Variants in MSL2 observed in about 807,000 individuals in gnomAD.
MSL2 encodes the protein MSL complex subunit 2.
In MSL2, 2 loss-of-function variants were observed where a neutral mutation model predicts 35.8. The observed-to-expected ratio is 0.06, with a 90% CI of 0.02 to 0.18. MSL2 has a LOEUF of 0.18. MSL2 is among the 10% of genes least tolerant of loss of function. The pLI, the probability that MSL2 is intolerant of heterozygous loss-of-function variation, is 1.00. For missense variants in MSL2, 523 were observed against 706.7 expected (o/e 0.74, Z 2.95); for synonymous variants, 296 against 255.7 (o/e 1.16, Z -1.50).
In MSL2 at chr3:136,195,529, C is replaced by G. The variant is rs1355423316; in HGVS notation, c.-416G>C. On this transcript the variant is annotated 5_prime_UTR_variant, in exon 1 of 2. Coordinates refer to ENST00000309993, the MANE Select transcript of MSL2 (RefSeq NM_018133.4). Reference sequence around the variant, plus strand: ...CGAGCTGGCAGGCGCGGGAGCAGGCCCCGGCCCCGTCTGAGGCGCGGCACG... The same window carrying G: ...CGAGCTGGCAGGCGCGGGAGCAGGCGCCGGCCCCGTCTGAGGCGCGGCACG... 9.9e-7 allele frequency: 1 copy of G among 1,008,302 alleles called. No individual in the cohort carries two copies. The highest frequency in any genetic ancestry group is 1.7e-5 in the African/African-American group (1 of 57,438). The allele number at this position is 1,008,302 out of a possible 1,614,324, so 62.5% of individuals were successfully genotyped here.
intron 1 of MSL2, among the ~76,000 whole-genome samples, chr3:136,161,112 A>C (rs1448637717): frequency 6.6e-6 from 1 of 152,188 alleles, no homozygotes; most frequent in Non-Finnish European, 1.5e-5. Flanking sequence ...ATGAATGACC[A>C]TAAGCACATG....
intron 1 of MSL2, among the ~76,000 whole-genome samples, chr3:136,158,592 T>C (rs1487733537): frequency 6.6e-6 from 1 of 152,070 alleles, no homozygotes; most frequent in East Asian, 1.9e-4. Flanking sequence ...TTTTCAAAAT[T>C]GTACTTGTTC....
At chr3:136,160,124 A>C (rs1939657213) in intron 1 of MSL2, among the ~76,000 whole-genome samples, 1 of 151,190 alleles carries the variant, frequency 6.6e-6, no homozygotes, top group Admixed American at 6.6e-5. Context: ...ATATAAAATA[A>C]AATTAGCTAG....
intron 1 of MSL2, among the ~76,000 whole-genome samples, chr3:136,173,099 G>A (rs1267596458): frequency 1.3e-5 from 2 of 152,304 alleles, no homozygotes; most frequent in African/African-American, 2.4e-5. Context: ...GAAAGCAGAG[G>A]TTGCAGTGAG....
At position 136,195,145 on chromosome 3, in the gene MSL2, T is replaced by G; in HGVS notation, c.-32A>C. 1 of 1,568,432 alleles carries G rather than the reference T, an allele frequency of 6.4e-7. No individual in the cohort carries two copies. Among genetic ancestry groups the G allele is most frequent in the Non-Finnish European group, 8.6e-7 (1 of 1,159,358 alleles). ...CACTTCGACACCAATGGCTCCCGGT[T>G]GAAAAGAAATTCCGGATCCAACTTA... On this transcript the variant is annotated 5_prime_UTR_variant, in exon 1 of 2. Coordinates refer to ENST00000309993, the MANE Select transcript of MSL2 (RefSeq NM_018133.4).
chr3:136,187,012 T>C (rs912007106), intron 1 of MSL2, among the ~76,000 whole-genome samples: 1 of 152,196 alleles, frequency 6.6e-6, no homozygotes, highest in African/African-American at 2.4e-5. Context: ...TCCATACATG[T>C]TCAGCATAGT....
chr3:136,190,255 G>A (rs2108097113), intron 1 of MSL2, among the ~76,000 whole-genome samples: 1 of 152,140 alleles, frequency 6.6e-6, no homozygotes, highest in Non-Finnish European at 1.5e-5. Context: ...TTAGCATCTA[G>A]AACATCACAG....
rs375707553 is a variant in MSL2, at chr3:136,161,916, G to A, written c.143-9178C>T. Among the ~76,000 whole-genome samples, 121 of 151,704 alleles carry A rather than the reference G, an allele frequency of 8.0e-4. 4 individuals carry two copies. The South Asian group carries it at 0.024, about 30-fold the overall frequency. ...ATCTAAGGAAGGACACAAGGGATAG[G>A]AAGGGAAAAAAATACATATATATGC... is the stretch of plus-strand genomic sequence containing the variant. On this transcript the variant is annotated intron_variant, in intron 1 of 1. Coordinates refer to ENST00000309993, the MANE Select transcript of MSL2 (RefSeq NM_018133.4).
intron 1 of MSL2, among the ~76,000 whole-genome samples, chr3:136,169,366 A>C (rs1939953347): frequency 6.6e-6 from 1 of 151,842 alleles, no homozygotes; most frequent in Admixed American, 6.6e-5. Context: ...TAACTGGAAT[A>C]TCCATCACCT....
chr3:136,150,878 G>T lies in MSL2; in HGVS notation c.*269C>A. ...CAATGAGGTTAATGTTATTTTTCTT[G>T]CCAAAGTTCATTTTGTATAAATCAG... On this transcript the variant is annotated 3_prime_UTR_variant, in exon 2 of 2. Transcript: ENST00000309993. 2.6e-6 allele frequency: 1 copy of T among 389,934 alleles called. No homozygotes were observed. The highest frequency in any genetic ancestry group is 4.7e-6 in the Non-Finnish European group (1 of 214,112). The allele number at this position is 389,934 out of a possible 1,614,324, so 24.2% of individuals were successfully genotyped here.
At position 136,195,492 on chromosome 3, in the gene MSL2, GC is replaced by G; in HGVS notation, c.-380del. 9.8e-7 allele frequency: 1 copy of G among 1,015,250 alleles called. No individual in the cohort carries two copies. Among genetic ancestry groups the G allele is most frequent in the Non-Finnish European group, 1.2e-6 (1 of 849,174 alleles). 62.9% of individuals were successfully genotyped at this position (1,015,250 alleles called of 1,614,324 possible). Reference sequence around the variant, plus strand: ...GAGCTCCATCTCCGGACACGGAGGCGCCTCCTCAAGTCGAGCTGGCAGGCGC... The same window carrying G: ...GAGCTCCATCTCCGGACACGGAGGCGCTCCTCAAGTCGAGCTGGCAGGCGC... On this transcript the variant is annotated 5_prime_UTR_variant, in exon 1 of 2. Coordinates refer to ENST00000309993, the MANE Select transcript of MSL2 (RefSeq NM_018133.4).
rs1271267564 is a variant in MSL2 at position 136,151,474 on chromosome 3, T to C, written c.1407A>G (p.Gln469=). The C allele has an allele frequency of 6.2e-7, 1 of 1,614,222 alleles. No individual in the cohort carries two copies. The highest frequency in any genetic ancestry group is 1.1e-5 in the South Asian group (1 of 91,086). ...CTCGGCATGTAAGAACACTTGGATT[T>C]TGAGTAGCACGCCCACATTTACACC... ...KKGCKCGRAT[Q]NPSVLTCRGQ... The change falls in exon 2 of 2, where the codon CAA becomes CAG. Residue 469 remains glutamine (Q), a synonymous_variant. Coordinates refer to ENST00000309993, the MANE Select transcript of MSL2 (RefSeq NM_018133.4). This position sits in a 1 kb window ranked among gnomAD's most constrained non-coding sequence, Gnocchi z 5.2.
Position 136,177,471 on chromosome 3 carries a change from G to A in MSL2, c.142+17501C>T, listed in dbSNP as rs141356286. On this transcript the variant is annotated intron_variant, in intron 1 of 1. Transcript: ENST00000309993. ...AGGAGGATCATGAGGTCAGGAGATC[G>A]AGACCATCCTGGCTAACAAGGTGAA... 9.7e-4 allele frequency among the ~76,000 whole-genome samples: 147 copies of A among 151,864 alleles called. 1 individual carries two copies. Among genetic ancestry groups the A allele is most frequent in the African/African-American group, 3.4e-3 (142 of 41,384 alleles).
chr3:136,193,155 G>A (rs1940737902), intron 1 of MSL2, among the ~76,000 whole-genome samples: 1 of 152,106 alleles, frequency 6.6e-6, no homozygotes, highest in African/African-American at 2.4e-5. Context: ...AAATGTAGTG[G>A]GTTTTTTTTA....
chr3:136,166,318 G>A (rs1201056073), intron 1 of MSL2, among the ~76,000 whole-genome samples: 1 of 151,900 alleles, frequency 6.6e-6, no homozygotes, highest in Non-Finnish European at 1.5e-5. Context: ...AGCCCGGGAG[G>A]TGGAGGTGGC....
At chr3:136,153,562 C>T (rs1031668710) in intron 1 of MSL2, among the ~76,000 whole-genome samples, 3 of 151,972 alleles carry the variant, frequency 2.0e-5, no homozygotes, top group Non-Finnish European at 2.9e-5. Flanking sequence ...CTGAGGTGGG[C>T]GGATCACCTG....
At chr3:136,163,912 C>G (rs940727728) in intron 1 of MSL2, among the ~76,000 whole-genome samples, 1 of 152,184 alleles carries the variant, frequency 6.6e-6, no homozygotes, top group Non-Finnish European at 1.5e-5. Flanking sequence ...TTGTTAAGTT[C>G]CTGAGGCCTC....
Position 136,189,819 on chromosome 3 carries a change from C to T in MSL2, c.142+5153G>A, listed in dbSNP as rs74315565. ...CCCTGTTTTAACACCAATGTTTAAC[C>T]TCTGACCAAAGAGCTATTCAAAAAC... On this transcript the variant is annotated intron_variant, in intron 1 of 1. Transcript: ENST00000309993. Among the ~76,000 whole-genome samples the T allele has an allele frequency of 6.3e-3, 957 of 151,912 alleles. 14 individuals carry two copies. The highest frequency in any genetic ancestry group is 0.022 in the African/African-American group (910 of 41,424).
rs1198120314 is a variant in MSL2 at position 136,195,881 on chromosome 3, G to A, written c.-768C>T. On this transcript the variant is annotated 5_prime_UTR_variant, in exon 1 of 2. Coordinates refer to ENST00000309993, the MANE Select transcript of MSL2 (RefSeq NM_018133.4). ...CGCCGGCGGGCGGGAGGGGGCGGGG[G>A]GCAAGCCCGGCCGGGCCGCGGCGGC... The A allele has an allele frequency of 2.1e-6, 2 of 934,520 alleles. No homozygotes were observed. The highest frequency in any genetic ancestry group is 1.8e-5 in the African/African-American group (1 of 55,570). The allele number at this position is 934,520 out of a possible 1,614,324, so 57.9% of individuals were successfully genotyped here. A position where few individuals can be genotyped will look rare whatever the true frequency, so the allele number is the denominator to read the frequency against.
Sources: gnomAD v4.1 joint callset for allele counts (sites outside exome capture counted in the v4.1 genomes callset) on GRCh38, gnomAD v4.1.1 for gene constraint, Gnocchi (gnomAD v3.1) non-coding constraint, MANE v1.5 for transcripts, NCBI Gene and HGNC (gene_info 2026-07-23, HGNC 2026-07-21) for gene names.